Variants in CHN2 observed in about 807,000 individuals in gnomAD.
CHN2 encodes beta-chimaerin.
CHN2 carries 35 observed loss-of-function variants against 56.3 expected under a neutral mutation model. The observed-to-expected ratio is 0.62, with a 90% CI of 0.47 to 0.82. The LOEUF (loss-of-function observed/expected upper bound fraction) is 0.82, where lower values mean the gene tolerates loss of function less well. CHN2 is among the 40% of genes least tolerant of loss of function. CHN2 has a pLI of 0.00. For missense variants in CHN2, 491 were observed against 580.5 expected, an observed-to-expected ratio of 0.85 and a Z score of 1.58; for synonymous variants, 210 against 212.8, an observed-to-expected ratio of 0.99 and a Z score of 0.12.
At chr7:29,174,323 C>T (rs1339771617) in intron 2 of CHN2, among the ~76,000 whole-genome samples, 1 of 152,218 alleles carries the variant, frequency 6.6e-6, no homozygotes, top group Non-Finnish European at 1.5e-5. Context: ...AGGCACATAT[C>T]TGCTTCTGGG....
intron 6 of CHN2, among the ~76,000 whole-genome samples, chr7:29,469,586 G>C (rs1282142952): frequency 2.0e-5 from 3 of 149,294 alleles, no homozygotes; most frequent in Non-Finnish European, 4.5e-5. Context: ...CCCTCTGCCT[G>C]GAATGTTCTT....
chr7:29,356,034 C>T (rs1396338768), intron 2 of CHN2, among the ~76,000 whole-genome samples: 1 of 151,966 alleles, frequency 6.6e-6, no homozygotes, highest in African/African-American at 2.4e-5. Flanking sequence ...CCACTAACCT[C>T]GGCCTCCGAA....
chr7:29,370,436 G>A (rs1169941136), intron 3 of CHN2, among the ~76,000 whole-genome samples: 1 of 152,104 alleles, frequency 6.6e-6, no homozygotes, highest in Non-Finnish European at 1.5e-5. Flanking sequence ...TTTAAACAAT[G>A]AGTTATAATT....
chr7:29,301,037 T>C (rs1793618728), intron 1 of CHN2, among the ~76,000 whole-genome samples: 2 of 152,234 alleles, frequency 1.3e-5, no homozygotes, highest in African/African-American at 4.8e-5. Flanking sequence ...TGTAATGTTT[T>C]ATTAAACATA....
At chr7:29,177,598 C>T (rs556853843) in intron 2 of CHN2, among the ~76,000 whole-genome samples, 1 of 151,640 alleles carries the variant, frequency 6.6e-6, no homozygotes, top group African/African-American at 2.4e-5. Context: ...CCTCTGTCCC[C>T]TCATTTTTTC....
chr7:29,356,378 A>C (rs898181812), intron 2 of CHN2, among the ~76,000 whole-genome samples: 1 of 152,236 alleles, frequency 6.6e-6, no homozygotes, highest in African/African-American at 2.4e-5. Context: ...ATACAAAGCT[A>C]CATAAAAGAC....
intron 1 of CHN2, among the ~76,000 whole-genome samples, chr7:29,349,344 A>G (rs953780508): frequency 3.3e-5 from 5 of 152,238 alleles, no homozygotes; most frequent in Non-Finnish European, 7.3e-5. Context: ...ACAATGCTGT[A>G]TGTTGGGTGA....
At chr7:29,227,981 C>G (rs1049970360) in intron 1 of CHN2, among the ~76,000 whole-genome samples, 10 of 152,062 alleles carry the variant, frequency 6.6e-5, no homozygotes, top group Non-Finnish European at 1.0e-4. Flanking sequence ...ATCCAACAAG[C>G]TTATTGTTAA....
At chr7:29,405,951 A>C (rs1283988591) in intron 6 of CHN2, among the ~76,000 whole-genome samples, 1 of 152,126 alleles carries the variant, frequency 6.6e-6, no homozygotes, top group Non-Finnish European at 1.5e-5. Flanking sequence ...CCAAGGAGTG[A>C]ATGTCCAGCC....
intron 1 of CHN2, among the ~76,000 whole-genome samples, chr7:29,264,194 T>C (rs1281424278): frequency 7.5e-6 from 1 of 132,762 alleles, no homozygotes; most frequent in African/African-American, 2.9e-5. Flanking sequence ...GTCTGGGAAG[T>C]GAGGAGCCCC....
intron 1 of CHN2, among the ~76,000 whole-genome samples, chr7:29,253,926 A>G (rs1788847320): frequency 6.6e-6 from 1 of 151,962 alleles, no homozygotes; most frequent in Non-Finnish European, 1.5e-5. Flanking sequence ...TCTTTTCGAG[A>G]CGGAGTCTTG....
chr7:29,348,973 T>C (rs1444715661), intron 1 of CHN2, among the ~76,000 whole-genome samples: 5 of 152,204 alleles, frequency 3.3e-5, no homozygotes, highest in African/African-American at 1.2e-4. Context: ...TTCTTAAAAA[T>C]GAGATTATAT....
intron 6 of CHN2, among the ~76,000 whole-genome samples, chr7:29,405,851 T>C (rs1585285555): frequency 6.6e-6 from 1 of 152,236 alleles, no homozygotes; most frequent in Non-Finnish European, 1.5e-5. Context: ...GTTGTTTCAC[T>C]GTTTCCATCA....
intron 1 of CHN2, among the ~76,000 whole-genome samples, chr7:29,293,327 A>G (rs1199504657): frequency 1.0e-5 from 1 of 99,932 alleles, no homozygotes; most frequent in Non-Finnish European, 2.0e-5. Context: ...TTGACCCATC[A>G]CTCTACCTAC....
chr7:29,438,684 T>C (rs1348627369), intron 6 of CHN2, among the ~76,000 whole-genome samples: 1 of 152,220 alleles, frequency 6.6e-6, no homozygotes, highest in Non-Finnish European at 1.5e-5. Flanking sequence ...TTGGGGAACC[T>C]CTTTCCTCTC....
chr7:29,463,011 TAA>T lies in CHN2; in HGVS notation c.577-17265_577-17264del, dbSNP rs200972051. On this transcript the variant is annotated intron_variant, in intron 6 of 12. Coordinates refer to ENST00000222792, the MANE Select transcript of CHN2 (RefSeq NM_004067.4). ...CCACTCCACCTTGAACAGAGGAATG[TAA>T]AAGAGTTTTACAGCCATTTAGAAAA... 3.0e-3 allele frequency among the ~76,000 whole-genome samples: 447 copies of T among 148,158 alleles called. 9 individuals carry two copies. Among genetic ancestry groups the T allele is most frequent in the East Asian group, 0.024 (120 of 4,940 alleles).
Position 29,367,965 on chromosome 7 carries a change from A to G in CHN2, c.122A>G (p.Lys41Arg), listed in dbSNP as rs1463296563. The G allele has an allele frequency of 1.2e-6, 2 of 1,611,612 alleles. No individual in the cohort carries two copies. The highest frequency in any genetic ancestry group is 1.7e-5 in the Admixed American group (1 of 59,558). Residue 41 changes from lysine to arginine, a missense_variant, in exon 3 of 13, where the codon AAG (lysine) becomes AGG (arginine). By Grantham distance (26) the Lys-to-Arg change is conservative. Transcript: ENST00000222792. ...YQLQQEAPRP[K>R]RIICPREVEN... ...TTACAGCAAGAGGCACCTCGTCCCA[A>G]GAGAATCATTTGTCCTCGGGAGGTC...
chr7:29,388,405 CCTT>C (rs1801102762), intron 3 of CHN2, among the ~76,000 whole-genome samples: 1 of 152,192 alleles, frequency 6.6e-6, no homozygotes, highest in Non-Finnish European at 1.5e-5. Flanking sequence ...ACAGAGGAGA[CCTT>C]CTCAGGATCC....
intron 1 of CHN2, among the ~76,000 whole-genome samples, chr7:29,263,192 C>T (rs1187290850): frequency 6.6e-6 from 1 of 152,206 alleles, no homozygotes; most frequent in Non-Finnish European, 1.5e-5. Flanking sequence ...CCACGCCTGA[C>T]TGGTTTTCGT....
Sources: allele counts gnomAD v4.1 joint callset (sites outside exome capture counted in the v4.1 genomes callset), GRCh38; gene constraint gnomAD v4.1.1; transcripts MANE v1.5; gene names NCBI Gene and HGNC (gene_info 2026-07-23, HGNC 2026-07-21).